Variants in AGBL3 observed in about 807,000 individuals in gnomAD.
AGBL3 encodes the protein AGBL carboxypeptidase 3.
In AGBL3, 68 loss-of-function variants were observed where a neutral mutation model predicts 94.5. The ratio of observed to expected loss-of-function variants is 0.72; its 90% CI spans 0.59 to 0.88. The LOEUF is 0.88. Ranked by LOEUF, AGBL3 falls within the 40% of genes least tolerant of loss-of-function variation. The pLI is 0.00. For synonymous variants in AGBL3, 354 were observed against 370.7 expected (o/e 0.95, Z 0.52); for missense variants, 934 against 1,103.8 (o/e 0.85, Z 2.18).
At chr7:135,073,365 G>A (rs1820133034) in intron 12 of AGBL3, among the ~76,000 whole-genome samples, 1 of 152,084 alleles carries the variant, frequency 6.6e-6, no homozygotes, top group Non-Finnish European at 1.5e-5. Flanking sequence ...AGCTACGTGG[G>A]AGGCTGAGGC....
intron 4 of AGBL3, chr7:135,012,449 A>C (rs1389517839): frequency 6.6e-6 from 1 of 152,100 alleles, no homozygotes; most frequent in Non-Finnish European, 1.5e-5. Flanking sequence ...TAAATCAGTA[A>C]GCTGTAGTTC....
intron 15 of AGBL3, among the ~76,000 whole-genome samples, chr7:135,091,235 G>A (rs1412034711): frequency 6.6e-6 from 1 of 152,020 alleles, no homozygotes; most frequent in Non-Finnish European, 1.5e-5. Flanking sequence ...CAGGGTTTCT[G>A]TTACTCCTCT....
At chr7:135,003,518 A>C (rs960289085) in intron 4 of AGBL3, among the ~76,000 whole-genome samples, 1 of 151,964 alleles carries the variant, frequency 6.6e-6, no homozygotes, top group Non-Finnish European at 1.5e-5. Context: ...TAAACTGGTA[A>C]CTTTATTGTG....
chr7:135,127,037 G>A (rs1827970578), intron 16 of AGBL3, among the ~76,000 whole-genome samples: 3 of 152,158 alleles, frequency 2.0e-5, no homozygotes, highest in Non-Finnish European at 4.4e-5. Flanking sequence ...TTATACTAAA[G>A]AGCTTCTGCA....
chr7:135,008,639 A>C (rs555254540), intron 4 of AGBL3, among the ~76,000 whole-genome samples: 1 of 152,064 alleles, frequency 6.6e-6, no homozygotes, highest in East Asian at 1.9e-4. Flanking sequence ...AAATAGATGA[A>C]TTGAACTTTA....
chr7:135,135,179 A>G lies in AGBL3; in HGVS notation c.2681A>G (p.His894Arg). 1 of 1,549,862 alleles carries G rather than the reference A, an allele frequency of 6.5e-7. No homozygotes were observed. The highest frequency in any genetic ancestry group is 8.7e-7 in the Non-Finnish European group (1 of 1,146,276). ...CAAAGCTCTAAGCATACAGCCCTCC[A>G]TCTAACTAAAAATAAGGATGAGCAG... Reference protein sequence around the residue: ...NQQSSKHTALHLTKNKDEQAN... With the variant: ...NQQSSKHTALRLTKNKDEQAN... The change falls in exon 17 of 17, where the codon CAT becomes CGT. Residue 894 changes from histidine to arginine, a missense_variant. By Grantham distance (29) the His-to-Arg change is conservative. Transcript: ENST00000436302.
chr7:135,125,624 AC>A (rs1420435790), intron 16 of AGBL3, among the ~76,000 whole-genome samples: 1 of 152,230 alleles, frequency 6.6e-6, no homozygotes, highest in African/African-American at 2.4e-5. Context: ...TTCCTGATGA[AC>A]ATCAATACGA....
rs186373492 is a variant in AGBL3 at position 135,090,746 on chromosome 7, C to A, written c.2110+8956C>A. Among the ~76,000 whole-genome samples the A allele has an allele frequency of 3.9e-5, 6 of 152,264 alleles. No homozygotes were observed. The East Asian group carries it at 1.2e-3, about 29-fold the overall frequency. ...ACTGTTTTCCCAGGAGGTAGGGTAC[C>A]ACCTAAGCTCCACCCTAAGGGTGAA... On this transcript the variant is annotated intron_variant, in intron 15 of 16. Transcript: ENST00000436302.
At chr7:135,124,767 TG>T (rs754365092) in intron 16 of AGBL3, among the ~76,000 whole-genome samples, 3 of 152,192 alleles carry the variant, frequency 2.0e-5, no homozygotes, top group Non-Finnish European at 2.9e-5. Context: ...CACGATTACA[TG>T]GAAATTGAAC....
At position 135,042,728 on chromosome 7, in the gene AGBL3, A is replaced by G. The variant is rs1816976489; in HGVS notation, c.1501-1297A>G. Among the ~76,000 whole-genome samples, 3 of 152,148 alleles carry G rather than the reference A, an allele frequency of 2.0e-5. No individual in the cohort carries two copies. In the South Asian group the frequency reaches 6.2e-4, roughly 32 times the overall value. On this transcript the variant is annotated intron_variant, in intron 8 of 16. Coordinates refer to ENST00000436302, the MANE Select transcript of AGBL3 (RefSeq NM_178563.4). ...AATTTGAGACCAGCCTGAGCAACAT[A>G]GCAAGACCCCATTTCTGTGAAAAAA... is the stretch of plus-strand genomic sequence containing the variant.
intron 5 of AGBL3, among the ~76,000 whole-genome samples, chr7:135,030,410 T>C (rs1815602771): frequency 6.6e-6 from 1 of 152,188 alleles, no homozygotes; most frequent in African/African-American, 2.4e-5. Context: ...AAGGAGGGTA[T>C]TGAATGTGTA....
At chr7:135,067,058 G>A (rs568862663) in intron 12 of AGBL3, among the ~76,000 whole-genome samples, 12 of 152,308 alleles carry the variant, frequency 7.9e-5, no homozygotes, top group Middle Eastern at 3.4e-3. Flanking sequence ...CTCTTCCAAC[G>A]GTCTTAGCAA....
At chr7:135,080,281 T>C in intron 14 of AGBL3, 21 bp downstream of exon 14, 3 of 1,540,118 alleles carry the variant, frequency 1.9e-6, no homozygotes, top group Non-Finnish European at 1.8e-6. Context: ...GCTTCTACCT[T>C]CTCATAAACA....
intron 4 of AGBL3, among the ~76,000 whole-genome samples, chr7:135,001,598 C>T (rs550099563): frequency 6.6e-6 from 1 of 152,242 alleles, no homozygotes; most frequent in Non-Finnish European, 1.5e-5. Flanking sequence ...TTCATTAAGA[C>T]CTTTGATCCC....
At chr7:135,129,361 T>TGG (rs1828406357) in intron 16 of AGBL3, 10 of 937,290 alleles carry the variant, frequency 1.1e-5, no homozygotes, top group African/African-American at 3.2e-5. Flanking sequence ...AATGAATACC[T>TGG]GCAAGCAGAT....
chr7:135,099,756 C>G (rs974560764), intron 15 of AGBL3, among the ~76,000 whole-genome samples: 1 of 152,074 alleles, frequency 6.6e-6, no homozygotes, highest in Non-Finnish European at 1.5e-5. Context: ...ATACACAGTG[C>G]CCCACAAGAT....
chr7:135,011,617 T>TA (rs767639018), intron 4 of AGBL3: 1 of 152,124 alleles, frequency 6.6e-6, no homozygotes. Context: ...GGGCACTTAA[T>TA]AAAAAATGAT....
At chr7:135,085,994 AT>A (rs1204132485) in intron 15 of AGBL3, among the ~76,000 whole-genome samples, 2 of 151,720 alleles carry the variant, frequency 1.3e-5, no homozygotes, top group African/African-American at 4.8e-5. Context: ...GTCTATTTGT[AT>A]CCTCCTCAAT....
At chr7:135,049,917 T>C (rs1427220837) in intron 11 of AGBL3, among the ~76,000 whole-genome samples, 1 of 151,856 alleles carries the variant, frequency 6.6e-6, no homozygotes, top group Non-Finnish European at 1.5e-5. Flanking sequence ...TCTGCTTTGA[T>C]CTTTGTTTTT....
Sources: gnomAD v4.1 joint callset for allele counts (sites outside exome capture counted in the v4.1 genomes callset) on GRCh38, gnomAD v4.1.1 for gene constraint, MANE v1.5 for transcripts, NCBI Gene and HGNC (gene_info 2026-07-23, HGNC 2026-07-21) for gene names.